Variants in ZNF799 observed in about 807,000 individuals in gnomAD.
The protein encoded by ZNF799 is zinc finger protein 799.
A neutral mutation model predicts 41.0 loss-of-function variants in ZNF799; 28 were observed. The ratio of observed to expected loss-of-function variants is 0.68; its 90% CI spans 0.51 to 0.94. The LOEUF (loss-of-function observed/expected upper bound fraction) is 0.94. Ranked by LOEUF, ZNF799 falls within the 40% of genes least tolerant of loss-of-function variation. ZNF799 has a pLI of 0.00. For missense variants in ZNF799, 716 were observed against 764.3 expected, an observed-to-expected ratio of 0.94 and a Z score of 0.74; for synonymous variants, 213 against 252.9, an observed-to-expected ratio of 0.84 and a Z score of 1.50.
At chr19:12,401,010 T>G (rs528710283) in intron 1 of ZNF799, 58 bp downstream of exon 1, 1 of 1,613,712 alleles carries the variant, frequency 6.2e-7, no homozygotes, top group African/African-American at 1.3e-5. Context: ...CACAGCCGAT[T>G]ACTGCAGGTT....
At position 12,401,269 on chromosome 19, in the gene ZNF799, G is replaced by GA. The variant is rs1200873593; in HGVS notation, c.-200dup. 7 of 1,375,634 alleles carry GA rather than the reference G, an allele frequency of 5.1e-6. No homozygotes were observed. The highest frequency in any genetic ancestry group is 1.5e-5 in the African/African-American group (1 of 68,506). The allele number at this position is 1,375,634 out of a possible 1,614,324, so 85.2% of individuals were successfully genotyped here. A position where few individuals can be genotyped will look rare whatever the true frequency, so the allele number is the denominator to read the frequency against. ...ACTCCTCTGGGAAGCGCGCCTGATT[G>GA]ACAGTTCCCACGAACCCGCCCCACG... On this transcript the variant is annotated 5_prime_UTR_variant, in exon 1 of 4. Coordinates refer to ENST00000430385, the MANE Select transcript of ZNF799 (RefSeq NM_001080821.3).
At chr19:12,402,247 T>C (rs1970000106), upstream of ZNF799, among the ~76,000 whole-genome samples, 2 of 152,264 alleles carry the variant, frequency 1.3e-5, no homozygotes, top group African/African-American at 4.8e-5. Flanking sequence ...AAAATGTTAC[T>C]GATTTTTGTA....
chr19:12,395,009 G>A (rs1211511533), intron 1 of ZNF799: 2 of 346,194 alleles, frequency 5.8e-6, no homozygotes, highest in Non-Finnish European at 8.1e-6. Flanking sequence ...CTTGAACACA[G>A]CAGCCTGAGT....
At chr19:12,406,483 CAAA>C in the ZNF799 span, among the ~76,000 whole-genome samples, 1 of 101,658 alleles carries the variant, frequency 9.8e-6, no homozygotes, top group African/African-American at 3.7e-5. Flanking sequence ...GACTCCGTCT[CAAA>C]AAAAAAAAAC....
At chr19:12,400,195 GA>G (rs1385062045) in intron 1 of ZNF799, 1 of 152,500 alleles carries the variant, frequency 6.6e-6, no homozygotes, top group Non-Finnish European at 1.5e-5. Flanking sequence ...ACTCAGAGGG[GA>G]AACGGTCGCC....
In ZNF799 at chr19:12,391,892, T is replaced by A. The variant is rs753257185; in HGVS notation, c.506A>T (p.Tyr169Phe). Residue 169 changes from tyrosine (Y) to phenylalanine (F), a missense_variant, in exon 4 of 4, where the codon TAT becomes TTT. Around this residue, in one of 2 missense-constraint regions of ZNF799, gnomAD observed 698 missense variants for 713.6 expected, o/e 0.98. Transcript: ENST00000430385. ...HERLHTGKKPYNCKECGKSFS... is the reference protein window; with the variant it reads ...HERLHTGKKPFNCKECGKSFS... ...GGACTTCCCACATTCTTTACAATTA[T>A]ATGGTTTCTTTCCAGTGTGAAGCCT... 2.5e-6 allele frequency: 4 copies of A among 1,614,098 alleles called. No individual in the cohort carries two copies. The highest frequency in any genetic ancestry group is 3.4e-6 in the Non-Finnish European group (4 of 1,180,036).
the ZNF799 span, among the ~76,000 whole-genome samples, chr19:12,409,627 C>A: frequency 6.6e-6 from 1 of 152,122 alleles, no homozygotes; most frequent in East Asian, 1.9e-4. Context: ...ACATATTCAC[C>A]AGGATGGACT....
At position 12,390,433 on chromosome 19, in the gene ZNF799, G is replaced by A. The variant is rs374519272; in HGVS notation, c.*33C>T. The A allele has an allele frequency of 4.0e-5, 64 of 1,607,788 alleles. 1 individual carries two copies. In the African/African-American group the frequency reaches 7.9e-4, roughly 20 times the overall value. ...CTGAAATGAAATAAAATTAATAAATGCTTTCCCACATTCCATACATTTAGA... is the reference window on the plus strand; with the variant it reads ...CTGAAATGAAATAAAATTAATAAATACTTTCCCACATTCCATACATTTAGA... On this transcript the variant is annotated 3_prime_UTR_variant, in exon 4 of 4. Coordinates refer to ENST00000430385, the MANE Select transcript of ZNF799 (RefSeq NM_001080821.3).
At position 12,392,149 on chromosome 19, in the gene ZNF799, T is replaced by A. The variant is rs1196466901; in HGVS notation, c.249A>T (p.Thr83=). The change falls in exon 4 of 4, where the codon ACA becomes ACT. Residue 83 remains threonine (T), a synonymous_variant. Transcript: ENST00000430385. The part of the protein sequence containing the change: ...ESKDGTQCGE[T]SSQIQDSIVT... ...CAATACTATCTTGAATCTGGCTAGA[T>A]GTTTCTCCACATTGAGTTCCATCTT... 1 of 1,608,320 alleles carries A rather than the reference T, an allele frequency of 6.2e-7. No homozygotes were observed. Among genetic ancestry groups the A allele is most frequent in the Admixed American group, 1.7e-5 (1 of 59,140 alleles).
At chr19:12,404,297 A>G (rs1425751030), upstream of ZNF799, among the ~76,000 whole-genome samples, 4 of 151,910 alleles carry the variant, frequency 2.6e-5, no homozygotes, top group Non-Finnish European at 2.9e-5. Flanking sequence ...ATCCCATTTA[A>G]TCTTTCTTTT....
chr19:12,407,076 A>C, the ZNF799 span, among the ~76,000 whole-genome samples: 11 of 152,178 alleles, frequency 7.2e-5, no homozygotes, highest in African/African-American at 2.4e-4. Context: ...CTGAGAGAGG[A>C]AAAAAGGAAC....
upstream of ZNF799, among the ~76,000 whole-genome samples, chr19:12,405,942 A>AG (rs1434540446): frequency 6.6e-6 from 1 of 152,068 alleles, no homozygotes; most frequent in Non-Finnish European, 1.5e-5. Context: ...TGGGAGGCCG[A>AG]GGGGGGCAGA....
At chr19:12,407,094 A>G in the ZNF799 span, among the ~76,000 whole-genome samples, 3 of 152,192 alleles carry the variant, frequency 2.0e-5, no homozygotes, top group East Asian at 5.8e-4. Flanking sequence ...AACAAGGATG[A>G]GAGAATGTGT....
At chr19:12,401,777 T>C (rs1380868429), upstream of ZNF799, among the ~76,000 whole-genome samples, 2 of 151,964 alleles carry the variant, frequency 1.3e-5, no homozygotes, top group Non-Finnish European at 2.9e-5. Context: ...GGTTTCACCA[T>C]GTTGGCCAGG....
chr19:12,398,673 C>G (rs1183964477), intron 1 of ZNF799, among the ~76,000 whole-genome samples: 1 of 152,152 alleles, frequency 6.6e-6, no homozygotes, highest in African/African-American at 2.4e-5. Context: ...TCTCCATTGT[C>G]CCAAAATCTC....
the ZNF799 span, among the ~76,000 whole-genome samples, chr19:12,410,286 T>C: frequency 4.5e-5 from 5 of 111,088 alleles, no homozygotes; most frequent in Middle Eastern, 4.8e-3. Context: ...TATATATATA[T>C]ATATATATAT....
Position 12,391,128 on chromosome 19 carries a change from T to A in ZNF799, c.1270A>T (p.Lys424Ter). The A allele has an allele frequency of 6.2e-7, 1 of 1,614,198 alleles. No homozygotes were observed. Among genetic ancestry groups the A allele is most frequent in the Non-Finnish European group, 8.5e-7 (1 of 1,180,002 alleles). Residue 424 changes from lysine to a stop codon, truncating the protein, a stop_gained, in exon 4 of 4, where the codon AAA becomes TAA. Transcript: ENST00000430385. LOFTEE classifies it high-confidence loss of function. Reference protein sequence around the residue: ...THTAEKPYKCKQCGKAYRISS... With the variant: ...THTAEKPYKC ...ATACGGTAGGCTTTGCCACATTGTT[T>A]ACATTTATAGGGTTTCTCTGCAGTG...
intron 1 of ZNF799, among the ~76,000 whole-genome samples, chr19:12,396,604 A>G (rs2431850): frequency 0.2 from 22,171 of 112,120 alleles, 2,589 homozygotes; most frequent in African/African-American, 0.46. Flanking sequence ...AGCTGAGATC[A>G]TGCCACTGCA....
the ZNF799 span, among the ~76,000 whole-genome samples, chr19:12,411,521 C>A: frequency 1.3e-5 from 2 of 152,258 alleles, no homozygotes; most frequent in African/African-American, 4.8e-5. Flanking sequence ...TGCTCATCAT[C>A]TTCACATACA....
Sources: gnomAD v4.1 joint callset for allele counts (sites outside exome capture counted in the v4.1 genomes callset) on GRCh38, gnomAD v4.1.1 for gene constraint, gnomAD v4.1.1 regional missense constraint, MANE v1.5 for transcripts, NCBI Gene and HGNC (gene_info 2026-07-23, HGNC 2026-07-21) for gene names.